The following CCDC30 variants were observed in gnomAD, a reference collection of about 807,000 sequenced individuals.
CCDC30 encodes the protein coiled-coil domain-containing protein 30.
A neutral mutation model predicts 100.2 loss-of-function variants in CCDC30; 70 were observed. The ratio of observed to expected loss-of-function variants is 0.70; its 90% confidence interval spans 0.58 to 0.85. CCDC30 has a LOEUF of 0.85. CCDC30 is among the 40% of genes least tolerant of loss of function. The pLI, the probability that CCDC30 is intolerant of heterozygous loss-of-function variation, is 0.00. For missense variants in CCDC30, 652 were observed against 771.2 expected, an observed-to-expected ratio of 0.85 and a Z score of 1.83; for synonymous variants, 233 against 269.5, an observed-to-expected ratio of 0.86 and a Z score of 1.33.
intron 8 of CCDC30, among the ~76,000 whole-genome samples, chr1:42,577,438 A>G (rs1175957616): frequency 6.6e-6 from 1 of 152,156 alleles, no homozygotes; most frequent in Non-Finnish European, 1.5e-5. Flanking sequence ...TGGGCTTAAA[A>G]AGGTCAGTTT....
chr1:42,609,958 T>G (rs906810267), intron 10 of CCDC30, among the ~76,000 whole-genome samples: 1 of 152,252 alleles, frequency 6.6e-6, no homozygotes, highest in Non-Finnish European at 1.5e-5. Context: ...GATTTGGTTT[T>G]TGGATATATC....
At chr1:42,600,949 C>T (rs1646394040) in intron 10 of CCDC30, among the ~76,000 whole-genome samples, 1 of 152,086 alleles carries the variant, frequency 6.6e-6, no homozygotes, top group Admixed American at 6.6e-5. Flanking sequence ...TGAGGCCTCC[C>T]AGCCATACTT....
chr1:42,597,934 G>A (rs1219028873), intron 10 of CCDC30, among the ~76,000 whole-genome samples: 8 of 151,976 alleles, frequency 5.3e-5, no homozygotes, highest in African/African-American at 1.9e-4. Context: ...GAGGCGGGAG[G>A]ATCACTTAAG....
At position 42,601,993 on chromosome 1, in the gene CCDC30, T is replaced by A. The variant is rs1268554265; in HGVS notation, c.1165-8985T>A. Reference sequence around the variant, plus strand: ...TTCAACAAATATATTGAAAATTTTTTAAATCAAACAGAAATCCTAGAACTG... The same window carrying A: ...TTCAACAAATATATTGAAAATTTTTAAAATCAAACAGAAATCCTAGAACTG... On this transcript the variant is annotated intron_variant, in intron 10 of 16. Coordinates refer to ENST00000668663, the Ensembl canonical transcript of CCDC30. Among the ~76,000 whole-genome samples the A allele has an allele frequency of 2.6e-5, 4 of 152,148 alleles. No individual in the cohort carries two copies. The East Asian group carries it at 5.8e-4, about 22-fold the overall frequency.
chr1:42,592,247 G>A (rs12410069), intron 10 of CCDC30: 18,642 of 152,132 alleles, frequency 0.12, 1,371 homozygotes, highest in East Asian at 0.17. Context: ...GGAATGATAC[G>A]GTTTGGTTCT....
At chr1:42,459,369 G>A, upstream of CCDC30, 3 of 509,790 alleles carry the variant, frequency 5.9e-6, no homozygotes, top group East Asian at 3.2e-5. Context: ...TTGCCATGTT[G>A]CCCAGGCTGG....
chr1:42,589,010 G>T (rs1646130757), intron 9 of CCDC30, among the ~76,000 whole-genome samples: 2 of 152,126 alleles, frequency 1.3e-5, no homozygotes, highest in South Asian at 4.1e-4. Flanking sequence ...AAGGAAGAAA[G>T]AATATGGGAT....
At chr1:42,599,525 CAG>C (rs1646359942) in intron 10 of CCDC30, among the ~76,000 whole-genome samples, 2 of 152,066 alleles carry the variant, frequency 1.3e-5, no homozygotes, top group African/African-American at 4.8e-5. Context: ...TAATAGAAAA[CAG>C]TAATAAATAT....
intron 11 of CCDC30, among the ~76,000 whole-genome samples, chr1:42,615,573 G>C (rs1444109156): frequency 6.6e-6 from 1 of 151,974 alleles, no homozygotes; most frequent in Non-Finnish European, 1.5e-5. Flanking sequence ...TCCCTGCTGG[G>C]ATTAAAGGTG....
intron 2 of CCDC30, 88 bp downstream of exon 2, chr1:42,480,654 A>T: frequency 2.0e-6 from 2 of 976,718 alleles, no homozygotes; most frequent in Non-Finnish European, 2.4e-6. Flanking sequence ...TTTTGTTAAG[A>T]AGAAATTGGA....
chr1:42,621,800 C>T (rs776462697), intron 11 of CCDC30, among the ~76,000 whole-genome samples: 2 of 151,508 alleles, frequency 1.3e-5, no homozygotes, highest in East Asian at 2.0e-4. Flanking sequence ...TGTGAGCCAC[C>T]GCGCCCGGCC....
At chr1:42,459,312 G>A (rs1255335531), upstream of CCDC30, 6 of 336,232 alleles carry the variant, frequency 1.8e-5, no homozygotes, top group African/African-American at 6.3e-5. Flanking sequence ...ACAGGTGGGT[G>A]CCACCATGCT....
chr1:42,636,315 A>T lies in CCDC30; in HGVS notation c.1278-922A>T, dbSNP rs1326005216. ...GCACTACTTGGGATGCTGGGGTGGG[A>T]GGATTGCTTGAGCTCAGGAGGTCGA... is the stretch of plus-strand genomic sequence containing the variant. On this transcript the variant is annotated intron_variant, in intron 11 of 16. Transcript: ENST00000668663. 2.0e-5 allele frequency among the ~76,000 whole-genome samples: 3 copies of T among 152,150 alleles called. No individual in the cohort carries two copies. In the East Asian group the frequency reaches 5.8e-4, roughly 29 times the overall value.
intron 7 of CCDC30, among the ~76,000 whole-genome samples, chr1:42,566,849 A>G (rs1645616659): frequency 6.6e-6 from 1 of 152,188 alleles, no homozygotes; most frequent in South Asian, 2.1e-4. Flanking sequence ...ACCAAGGTAC[A>G]ATTCGTGGGA....
chr1:42,477,428 C>T (rs112143641), intron 1 of CCDC30, among the ~76,000 whole-genome samples: 2,040 of 152,148 alleles, frequency 0.013, 47 homozygotes, highest in African/African-American at 0.047. Flanking sequence ...CGGGGTTTCA[C>T]CATTTTGGCC....
At chr1:42,572,074 GA>G (rs1645744742) in intron 7 of CCDC30, among the ~76,000 whole-genome samples, 1 of 152,138 alleles carries the variant, frequency 6.6e-6, no homozygotes, top group African/African-American at 2.4e-5. Context: ...ATTGGGAGTG[GA>G]ATTATTTTAT....
At chr1:42,544,776 G>A (rs1397159046) in intron 6 of CCDC30, among the ~76,000 whole-genome samples, 4 of 152,054 alleles carry the variant, frequency 2.6e-5, no homozygotes, top group African/African-American at 9.7e-5. Flanking sequence ...CAAAGTGCTG[G>A]GATTACAGAT....
rs139245919 is a variant in CCDC30, at chr1:42,625,407, A to G, written c.1278-11830A>G. ...TGATCTTTATGATTTCTTTTCTTCT[A>G]CTAATTTGGGATTTCATTTGCTCTT... On this transcript the variant is annotated intron_variant, in intron 11 of 16. Transcript: ENST00000668663. Among the ~76,000 whole-genome samples the G allele has an allele frequency of 6.9e-3, 1,041 of 151,626 alleles. 17 individuals carry two copies. Among genetic ancestry groups the G allele is most frequent in the African/African-American group, 0.024 (1,001 of 41,434 alleles).
intron 10 of CCDC30, among the ~76,000 whole-genome samples, chr1:42,598,346 T>C (rs1015186628): frequency 9.9e-5 from 15 of 151,070 alleles, no homozygotes; most frequent in Non-Finnish European, 1.8e-4. Context: ...GTGATAACCT[T>C]ATCTCTACAA....
Sources: gnomAD v4.1 joint callset for allele counts (sites outside exome capture counted in the v4.1 genomes callset) on GRCh38, gnomAD v4.1.1 for gene constraint, MANE v1.5 for transcripts, NCBI Gene and HGNC (gene_info 2026-07-23, HGNC 2026-07-21) for gene names.